The following CNTNAP2 variants were observed in gnomAD, a reference collection of about 807,000 sequenced individuals.
The protein encoded by CNTNAP2 is contactin associated protein 2.
Under a neutral mutation model 155.2 loss-of-function variants are expected in CNTNAP2, and 98 were observed. The observed-to-expected ratio is 0.63, with a 90% CI of 0.54 to 0.75. The LOEUF (loss-of-function observed/expected upper bound fraction) is 0.75. Ranked by LOEUF, CNTNAP2 falls within the 30% of genes least tolerant of loss-of-function variation. The pLI, the probability that CNTNAP2 is intolerant of heterozygous loss-of-function variation, is 0.00. For missense variants in CNTNAP2, 1,727 were observed against 1,688.1 expected, an observed-to-expected ratio of 1.02 and a Z score of -0.40; for synonymous variants, 651 against 631.2, an observed-to-expected ratio of 1.03 and a Z score of -0.47.
At chr7:147,045,329 T>C (rs1799336826) in intron 4 of CNTNAP2, among the ~76,000 whole-genome samples, 1 of 152,174 alleles carries the variant, frequency 6.6e-6, no homozygotes. Context: ...TAGTATTTTA[T>C]ATAAAAGAAT....
At chr7:147,903,841 C>A in intron 14 of CNTNAP2, 120 bp downstream of exon 14, 1 of 1,266,062 alleles carries the variant, frequency 7.9e-7, no homozygotes, top group Non-Finnish European at 1.1e-6. Flanking sequence ...GTAGAAAGGT[C>A]TGGAACTAAC....
In CNTNAP2 at chr7:148,409,490, AGGCTTATATGG is replaced by A. The variant is rs1423935172; in HGVS notation, c.3796+24_3796+34del. The A allele has an allele frequency of 1.2e-6, 2 of 1,602,096 alleles. No individual in the cohort carries two copies. Among genetic ancestry groups the A allele is most frequent in the Non-Finnish European group, 1.7e-6 (2 of 1,169,064 alleles). On this transcript the variant is annotated intron_variant, in intron 23 of 23. Coordinates refer to ENST00000361727, the MANE Select transcript of CNTNAP2 (RefSeq NM_014141.6). ...ATTGGAGGTAGGTGATGTCTAGAGG[AGGCTTATATGG>A]GGCTACTCAACTATGGAAAGTAATA...
At chr7:147,345,613 C>T (rs1370325090) in intron 9 of CNTNAP2, among the ~76,000 whole-genome samples, 1 of 152,136 alleles carries the variant, frequency 6.6e-6, no homozygotes, top group Admixed American at 6.5e-5. Flanking sequence ...AAACACTTGG[C>T]TAACATATGG....
intron 18 of CNTNAP2, among the ~76,000 whole-genome samples, chr7:148,191,205 G>T (rs1312101493): frequency 6.6e-6 from 1 of 151,982 alleles, no homozygotes; most frequent in Non-Finnish European, 1.5e-5. Flanking sequence ...GTAATTGCAG[G>T]AGTCAATTCC....
chr7:146,132,305 C>A lies in CNTNAP2; in HGVS notation c.97+15332C>A, dbSNP rs540666626. Among the ~76,000 whole-genome samples the A allele has an allele frequency of 2.6e-5, 4 of 152,298 alleles. No homozygotes were observed. The East Asian group carries it at 7.7e-4, about 29-fold the overall frequency. On this transcript the variant is annotated intron_variant, in intron 1 of 23. Transcript: ENST00000361727. ...GTTGGTGTATAAAGAGTACGAACTT[C>A]ATAGAGCAGCAATTCTCATATGCTA...
chr7:146,557,775 C>G (rs1246518208), intron 1 of CNTNAP2, among the ~76,000 whole-genome samples: 1 of 152,154 alleles, frequency 6.6e-6, no homozygotes, highest in African/African-American at 2.4e-5. Context: ...GTGTGATTGT[C>G]TAGGTTGCAA....
chr7:146,180,364 CT>C (rs1226152085), intron 1 of CNTNAP2, among the ~76,000 whole-genome samples: 2 of 142,736 alleles, frequency 1.4e-5, no homozygotes, highest in Non-Finnish European at 3.1e-5. Flanking sequence ...CTTCATTTTT[CT>C]TTCTTTTCCT....
chr7:146,822,369 C>A (rs1803304020), intron 2 of CNTNAP2, among the ~76,000 whole-genome samples: 1 of 151,572 alleles, frequency 6.6e-6, no homozygotes, highest in African/African-American at 2.4e-5. Flanking sequence ...ATACCTAATG[C>A]TAAATGACGA....
intron 1 of CNTNAP2, among the ~76,000 whole-genome samples, chr7:146,603,057 C>A (rs553128989): frequency 6.6e-6 from 1 of 151,632 alleles, no homozygotes; most frequent in Admixed American, 6.6e-5. Flanking sequence ...TAGGGCTCTG[C>A]ACTTACAGAA....
At chr7:148,346,322 G>A (rs1798325465) in intron 21 of CNTNAP2, among the ~76,000 whole-genome samples, 1 of 152,188 alleles carries the variant, frequency 6.6e-6, no homozygotes, top group Non-Finnish European at 1.5e-5. Context: ...GTGAAAATTA[G>A]ATTTAGTTTC....
intron 22 of CNTNAP2, among the ~76,000 whole-genome samples, chr7:148,384,195 G>C (rs1420755758): frequency 6.6e-6 from 1 of 152,162 alleles, no homozygotes; most frequent in African/African-American, 2.4e-5. Context: ...TCAATTCACT[G>C]TCTCACTTTT....
At chr7:147,254,395 C>G (rs1161671812) in intron 8 of CNTNAP2, among the ~76,000 whole-genome samples, 2 of 152,116 alleles carry the variant, frequency 1.3e-5, no homozygotes, top group Non-Finnish European at 2.9e-5. Context: ...AAATGTATCA[C>G]CAAGTACTAG....
intron 13 of CNTNAP2, among the ~76,000 whole-genome samples, chr7:147,728,842 T>G (rs989731013): frequency 6.6e-5 from 10 of 151,866 alleles, no homozygotes; most frequent in African/African-American, 2.4e-4. Context: ...AATTGTCCTA[T>G]CCTAATCAAT....
chr7:147,394,665 T>C (rs1796780134), intron 9 of CNTNAP2, among the ~76,000 whole-genome samples: 1 of 152,000 alleles, frequency 6.6e-6, no homozygotes, highest in Non-Finnish European at 1.5e-5. Flanking sequence ...TGGGTGTTTC[T>C]ATCCAATTAT....
chr7:148,248,543 C>T (rs1045087106), intron 20 of CNTNAP2, among the ~76,000 whole-genome samples: 1 of 152,184 alleles, frequency 6.6e-6, no homozygotes, highest in African/African-American at 2.4e-5. Context: ...TTTCATTCTG[C>T]ATAATGATTC....
At chr7:148,133,323 A>G (rs1013307078) in intron 16 of CNTNAP2, among the ~76,000 whole-genome samples, 3 of 152,132 alleles carry the variant, frequency 2.0e-5, no homozygotes, top group Non-Finnish European at 4.4e-5. Flanking sequence ...TTAGCTGGGC[A>G]TGGTGGCGTG....
At chr7:147,880,938 C>T (rs989833265) in intron 13 of CNTNAP2, among the ~76,000 whole-genome samples, 10 of 147,608 alleles carry the variant, frequency 6.8e-5, no homozygotes, top group African/African-American at 2.5e-4. Flanking sequence ...GGGAGGAATC[C>T]TAAGAGAAAT....
intron 12 of CNTNAP2, among the ~76,000 whole-genome samples, chr7:147,596,908 G>A (rs7783132): frequency 0.7 from 106,224 of 152,016 alleles, 37,850 homozygotes; most frequent in African/African-American, 0.83. Context: ...TCATTGCTAC[G>A]CTCCCTCCAG....
chr7:147,673,812 A>G (rs4487669), intron 13 of CNTNAP2, among the ~76,000 whole-genome samples: 2 of 152,198 alleles, frequency 1.3e-5, no homozygotes, highest in South Asian at 2.1e-4. Context: ...TTGAAAAATC[A>G]GAGAAAGTTT....
Sources: allele counts gnomAD v4.1 joint callset (sites outside exome capture counted in the v4.1 genomes callset), GRCh38; gene constraint gnomAD v4.1.1; transcripts MANE v1.5; gene names NCBI Gene and HGNC (gene_info 2026-07-23, HGNC 2026-07-21).